EFR3A: variants seen among roughly 807,000 people sequenced by gnomAD.
The protein encoded by EFR3A is EFR3 homolog A.
EFR3A carries 76 observed loss-of-function variants against 104.4 expected under a neutral mutation model. The ratio of observed to expected loss-of-function variants is 0.73; its 90% CI spans 0.60 to 0.88. The LOEUF (loss-of-function observed/expected upper bound fraction) is 0.88, where lower values mean the gene tolerates loss of function less well. Among genes scored for constraint, EFR3A ranks in the 40% least tolerant of loss-of-function variants. The probability of loss-of-function intolerance (pLI) is 0.00; values close to 1 mark genes in which losing one functional copy is unlikely to be tolerated. For missense variants in EFR3A, 985 were observed against 1,012.5 expected (o/e 0.97, Z 0.37); for synonymous variants, 330 against 330.0 (o/e 1.00, Z 0.00).
intron 8 of EFR3A, among the ~76,000 whole-genome samples, chr8:131,962,060 C>A (rs1190981099): frequency 6.6e-6 from 1 of 152,114 alleles, no homozygotes; most frequent in African/African-American, 2.4e-5. Flanking sequence ...CTGAAGGAAG[C>A]ACTAAACATG....
chr8:132,000,976 AT>A (rs1821757559), intron 19 of EFR3A: 1 of 152,216 alleles, frequency 6.6e-6, no homozygotes, highest in Non-Finnish European at 1.5e-5. Flanking sequence ...ATGAGCTAAA[AT>A]TAGGGATGAC....
At chr8:131,928,159 G>C (rs1817399060) in intron 1 of EFR3A, among the ~76,000 whole-genome samples, 1 of 151,582 alleles carries the variant, frequency 6.6e-6, no homozygotes, top group East Asian at 1.9e-4. Context: ...TGGTTGACTA[G>C]TCATGAAATA....
chr8:131,974,648 G>T (rs1350569303), intron 10 of EFR3A, among the ~76,000 whole-genome samples: 3 of 152,092 alleles, frequency 2.0e-5, no homozygotes, highest in Non-Finnish European at 4.4e-5. Flanking sequence ...GACTCAAAAG[G>T]TTATTTTGCG....
intron 9 of EFR3A, among the ~76,000 whole-genome samples, chr8:131,969,600 GAACTGCAGATATGGAGGACC>G: frequency 6.6e-6 from 1 of 150,578 alleles, no homozygotes; most frequent in Non-Finnish European, 1.5e-5. Context: ...TGTGAATCCA[GAACTGCAGATATGGAGGACC>G]AACTGTATTC....
chr8:131,995,884 T>C (rs1244538161), intron 18 of EFR3A, among the ~76,000 whole-genome samples: 1 of 152,184 alleles, frequency 6.6e-6, no homozygotes, highest in African/African-American at 2.4e-5. Flanking sequence ...GGAGGAGATA[T>C]TAATTGAAAC....
intron 22 of EFR3A, among the ~76,000 whole-genome samples, chr8:132,010,407 GATATATATATATATATATATATATAT>G (rs66644698): frequency 3.7e-5 from 3 of 81,880 alleles, no homozygotes; most frequent in South Asian, 3.9e-4. Context: ...TCAAGTATGA[GATATATATATATATATATATATATAT>G]ATATATATAT....
chr8:131,954,100 A>G, intron 6 of EFR3A, 133 bp downstream of exon 6: 2 of 931,614 alleles, frequency 2.1e-6, no homozygotes, highest in Non-Finnish European at 2.9e-6. Context: ...GTTTAAAAAT[A>G]TGTACCTTTC....
chr8:132,008,581 A>C (rs1822158471), intron 22 of EFR3A, among the ~76,000 whole-genome samples: 2 of 152,024 alleles, frequency 1.3e-5, no homozygotes, highest in African/African-American at 2.4e-5. Context: ...TGGACTGTTC[A>C]TAGAGCCTGT....
intron 1 of EFR3A, among the ~76,000 whole-genome samples, chr8:131,905,189 G>T (rs1003793175): frequency 6.6e-6 from 1 of 152,200 alleles, no homozygotes; most frequent in Non-Finnish European, 1.5e-5. Context: ...CTTTGTCATT[G>T]ATTTGAGAAT....
rs192621080 is a variant in EFR3A, at chr8:132,005,986, G to T, written c.2360+2701G>T. Among the ~76,000 whole-genome samples, 16 of 152,192 alleles carry T rather than the reference G, an allele frequency of 1.1e-4. No individual in the cohort carries two copies. In the East Asian group the frequency reaches 2.5e-3, roughly 24 times the overall value. ...TATCTAGAAAAATTTCAAATATCTG[G>T]AAATTAAAAGACACCCATACCTCAA... On this transcript the variant is annotated intron_variant, in intron 22 of 22. Transcript: ENST00000254624.
intron 1 of EFR3A, among the ~76,000 whole-genome samples, chr8:131,917,231 G>T: frequency 6.6e-6 from 1 of 152,204 alleles, no homozygotes; most frequent in East Asian, 1.9e-4. Context: ...CATTAGAGAC[G>T]AGCTGTCACC....
In EFR3A at chr8:132,013,359, A is replaced by C. The variant is rs1388263732; in HGVS notation, c.*2464A>C. Reference sequence around the variant, plus strand: ...GTACACACACACATATTTCCTTAATACTTCTGAACTCATTATCTTTTAGAA... The same window carrying C: ...GTACACACACACATATTTCCTTAATCCTTCTGAACTCATTATCTTTTAGAA... On this transcript the variant is annotated 3_prime_UTR_variant, in exon 23 of 23. Transcript: ENST00000254624. 1 of 152,530 alleles carries C rather than the reference A, an allele frequency of 6.6e-6. No homozygotes were observed. Among genetic ancestry groups the C allele is most frequent in the Admixed American group, 6.6e-5 (1 of 15,266 alleles). The allele number at this position is 152,530 out of a possible 1,614,324, so 9.4% of individuals were successfully genotyped here. A position where few individuals can be genotyped will look rare whatever the true frequency, so the allele number is the denominator to read the frequency against.
chr8:131,950,833 T>C (rs1284779739), intron 5 of EFR3A, among the ~76,000 whole-genome samples: 3 of 152,166 alleles, frequency 2.0e-5, no homozygotes, highest in Non-Finnish European at 2.9e-5. Flanking sequence ...TTTTTAAACA[T>C]TTCTTCTGGA....
chr8:131,944,935 A>T, intron 3 of EFR3A, 63 bp downstream of exon 3: 4 of 1,543,560 alleles, frequency 2.6e-6, no homozygotes, highest in Non-Finnish European at 3.5e-6. Context: ...CTTTTAAATC[A>T]TTCTATAGAT....
At chr8:131,973,289 C>T (rs986772564) in intron 10 of EFR3A, among the ~76,000 whole-genome samples, 1 of 151,862 alleles carries the variant, frequency 6.6e-6, no homozygotes, top group African/African-American at 2.4e-5. Flanking sequence ...GTGACTTTCA[C>T]ATTTATTTCG....
chr8:131,962,735 A>T (rs963486780), intron 8 of EFR3A, among the ~76,000 whole-genome samples: 1 of 152,170 alleles, frequency 6.6e-6, no homozygotes, highest in Non-Finnish European at 1.5e-5. Flanking sequence ...GACATCTACA[A>T]AACTCTCCAC....
At chr8:132,001,143 A>G (rs1821763482) in intron 19 of EFR3A, 2 of 152,248 alleles carry the variant, frequency 1.3e-5, no homozygotes, top group South Asian at 4.1e-4. Flanking sequence ...CTTTTTATGT[A>G]TCTCAAAGCA....
chr8:131,994,113 C>T (rs1051911420), intron 18 of EFR3A, among the ~76,000 whole-genome samples: 2 of 152,096 alleles, frequency 1.3e-5, no homozygotes, highest in Admixed American at 1.3e-4. Context: ...CACGGTGGCA[C>T]ATGCCTGTAG....
chr8:131,907,475 T>C (rs1816310259), intron 1 of EFR3A, among the ~76,000 whole-genome samples: 1 of 152,250 alleles, frequency 6.6e-6, no homozygotes, highest in Non-Finnish European at 1.5e-5. Flanking sequence ...TGAGTAATTA[T>C]GTGTGTTGAA....
Sources: allele counts gnomAD v4.1 joint callset (sites outside exome capture counted in the v4.1 genomes callset), GRCh38; gene constraint gnomAD v4.1.1; transcripts MANE v1.5; gene names NCBI Gene and HGNC (gene_info 2026-07-23, HGNC 2026-07-21).